OSTF1: variants seen among roughly 807,000 people sequenced by gnomAD.
OSTF1 encodes the protein osteoclast stimulating factor 1, also known as osteoclast-stimulating factor 1.
A neutral mutation model predicts 37.2 loss-of-function variants in OSTF1; 27 were observed. The observed-to-expected ratio is 0.73, with a 90% CI of 0.54 to 1.00. The LOEUF (loss-of-function observed/expected upper bound fraction) is 1.00, where lower values mean the gene tolerates loss of function less well. Ranked by LOEUF, OSTF1 falls within the 50% of genes least tolerant of loss-of-function variation. OSTF1 has a pLI of 0.00. For synonymous variants in OSTF1, 82 were observed against 89.2 expected (o/e 0.92, Z 0.46); for missense variants, 232 against 253.8 (o/e 0.91, Z 0.58).
Position 75,088,586 on chromosome 9 carries a change from C to G in OSTF1, c.-107C>G, listed in dbSNP as rs564230485. Reference sequence around the variant, plus strand: ...GTGGGCGCCGGTCCTAGGAGGCGCACGGTTGTAAGCCAGACAAAAAGAACT... The same window carrying G: ...GTGGGCGCCGGTCCTAGGAGGCGCAGGGTTGTAAGCCAGACAAAAAGAACT... On this transcript the variant is annotated 5_prime_UTR_variant, in exon 1 of 10. Transcript: ENST00000346234. 8.6e-5 allele frequency: 106 copies of G among 1,235,136 alleles called. No individual in the cohort carries two copies. The African/African-American group carries it at 1.3e-3, about 16-fold the overall frequency. 76.5% of individuals were successfully genotyped at this position (1,235,136 alleles called of 1,614,324 possible).
chr9:75,098,957 A>G (rs1176246430), intron 1 of OSTF1, among the ~76,000 whole-genome samples: 1 of 152,098 alleles, frequency 6.6e-6, no homozygotes, highest in African/African-American at 2.4e-5. Flanking sequence ...TATTTTAGAG[A>G]TGGAGTTTTC....
chr9:75,125,687 T>C (rs1825650419), intron 2 of OSTF1, among the ~76,000 whole-genome samples: 2 of 152,222 alleles, frequency 1.3e-5, no homozygotes, highest in South Asian at 4.1e-4. Flanking sequence ...GAATGCATAA[T>C]GCATCTAAGT....
intron 1 of OSTF1, among the ~76,000 whole-genome samples, chr9:75,106,731 G>A (rs994932159): frequency 3.4e-5 from 5 of 149,146 alleles, no homozygotes; most frequent in Admixed American, 6.8e-5. Flanking sequence ...CGGGGCGGGC[G>A]GATCACAAGG....
At chr9:75,111,077 C>A (rs1825378443) in intron 1 of OSTF1, among the ~76,000 whole-genome samples, 1 of 152,064 alleles carries the variant, frequency 6.6e-6, no homozygotes. Context: ...CAGTTTTTCA[C>A]CAACAGGAAA....
chr9:75,125,269 C>G (rs1165213439), intron 2 of OSTF1, among the ~76,000 whole-genome samples: 1 of 152,142 alleles, frequency 6.6e-6, no homozygotes, highest in South Asian at 2.1e-4. Context: ...CGGAGAGAAT[C>G]ATCTTTCTGG....
At chr9:75,142,588 G>A (rs927718371) in intron 9 of OSTF1, among the ~76,000 whole-genome samples, 3 of 152,114 alleles carry the variant, frequency 2.0e-5, no homozygotes, top group Non-Finnish European at 2.9e-5. Flanking sequence ...TTTGAGTTGA[G>A]GGAGGCAGGT....
intron 4 of OSTF1, among the ~76,000 whole-genome samples, chr9:75,131,420 A>T (rs1035932079): frequency 4.6e-5 from 7 of 152,212 alleles, no homozygotes; most frequent in African/African-American, 4.8e-5. Context: ...ATGAACATCA[A>T]ATGCTTCCTT....
At chr9:75,120,551 CT>C in intron 2 of OSTF1, among the ~76,000 whole-genome samples, 1 of 152,256 alleles carries the variant, frequency 6.6e-6, no homozygotes, top group East Asian at 1.9e-4. Context: ...TCTATCTCCT[CT>C]CTTCGTATGC....
intron 1 of OSTF1, among the ~76,000 whole-genome samples, chr9:75,091,943 T>C (rs1824983134): frequency 6.6e-6 from 1 of 152,216 alleles, no homozygotes; most frequent in Non-Finnish European, 1.5e-5. Flanking sequence ...GAGACAGATT[T>C]TCCTGTGGGT....
intron 7 of OSTF1, among the ~76,000 whole-genome samples, 185 bp downstream of exon 7, chr9:75,134,580 C>T (rs1825814553): frequency 6.6e-6 from 1 of 152,214 alleles, no homozygotes; most frequent in Non-Finnish European, 1.5e-5. Context: ...CCTCATATGT[C>T]ACTTTCAGCT....
intron 9 of OSTF1, 30 bp downstream of exon 9, chr9:75,140,962 T>C: frequency 7.0e-7 from 1 of 1,436,184 alleles, no homozygotes; most frequent in South Asian, 1.1e-5. Flanking sequence ...CTTTCTCCTC[T>C]GGTGCCCCAT....
At chr9:75,136,050 C>T (rs899216601) in intron 7 of OSTF1, among the ~76,000 whole-genome samples, 1 of 152,168 alleles carries the variant, frequency 6.6e-6, no homozygotes, top group African/African-American at 2.4e-5. Flanking sequence ...TGACTAGAAA[C>T]CTAATTATGG....
intron 8 of OSTF1, among the ~76,000 whole-genome samples, chr9:75,138,006 A>C (rs1031962869): frequency 6.6e-6 from 1 of 152,236 alleles, no homozygotes; most frequent in Non-Finnish European, 1.5e-5. Context: ...GTCTTGACAG[A>C]TAAGCAAGAA....
chr9:75,102,751 A>G (rs1055508903), intron 1 of OSTF1, among the ~76,000 whole-genome samples: 2 of 152,142 alleles, frequency 1.3e-5, no homozygotes, highest in African/African-American at 4.8e-5. Context: ...TTTGTTTTTT[A>G]AAATTTTTTC....
At chr9:75,104,130 G>C (rs745601699) in intron 1 of OSTF1, among the ~76,000 whole-genome samples, 2 of 152,118 alleles carry the variant, frequency 1.3e-5, no homozygotes, top group Non-Finnish European at 2.9e-5. Context: ...TGTAGTCTCA[G>C]CTGCTTGGGA....
intron 1 of OSTF1, among the ~76,000 whole-genome samples, chr9:75,115,637 CTTTTTTTGTTT>C (rs1316161815): frequency 2.2e-5 from 3 of 137,790 alleles, no homozygotes; most frequent in South Asian, 4.5e-4. Context: ...AGGACCCCCC[CTTTTTTTGTTT>C]TTTTTTTGTT....
At chr9:75,124,407 G>A (rs74554421) in intron 2 of OSTF1, among the ~76,000 whole-genome samples, 7,266 of 151,876 alleles carry the variant, frequency 0.048, 224 homozygotes, top group Middle Eastern at 0.079. Flanking sequence ...AACCATCCCC[G>A]TCTCCCCCCA....
chr9:75,094,598 CAG>C (rs773433167), intron 1 of OSTF1, among the ~76,000 whole-genome samples: 7 of 152,058 alleles, frequency 4.6e-5, no homozygotes, highest in Non-Finnish European at 7.4e-5. Flanking sequence ...CCTTATACCT[CAG>C]GGCATAACAG....
intron 9 of OSTF1, among the ~76,000 whole-genome samples, chr9:75,145,693 C>T (rs1409154973): frequency 1.3e-5 from 2 of 152,156 alleles, no homozygotes; most frequent in African/African-American, 2.4e-5. Context: ...CTCTGTCATC[C>T]TCCAAAGGGT....
Sources: gnomAD v4.1 joint callset for allele counts (sites outside exome capture counted in the v4.1 genomes callset) on GRCh38, gnomAD v4.1.1 for gene constraint, MANE v1.5 for transcripts, NCBI Gene and HGNC (gene_info 2026-07-23, HGNC 2026-07-21) for gene names.